CAP2: variants seen among roughly 807,000 people sequenced by gnomAD.
CAP2 encodes the protein cyclase associated actin cytoskeleton regulatory protein 2.
Under a neutral mutation model 57.7 loss-of-function variants are expected in CAP2, and 24 were observed. That is an observed-to-expected ratio of 0.42 (90% confidence interval 0.30 to 0.58). The LOEUF is 0.58. CAP2 is among the 20% of genes least tolerant of loss of function. The pLI, the probability that CAP2 is intolerant of heterozygous loss-of-function variation, is 0.22. For synonymous variants in CAP2, 194 were observed against 207.2 expected, an observed-to-expected ratio of 0.94 and a Z score of 0.55; for missense variants, 501 against 590.3, an observed-to-expected ratio of 0.85 and a Z score of 1.57.
At chr6:17,427,843 A>C (rs550039780) in intron 3 of CAP2, among the ~76,000 whole-genome samples, 1 of 152,364 alleles carries the variant, frequency 6.6e-6, no homozygotes, top group Admixed American at 6.5e-5. Flanking sequence ...TACATGCTGT[A>C]GTATGGATGA....
At chr6:17,406,355 A>G (rs987848832) in intron 1 of CAP2, among the ~76,000 whole-genome samples, 2 of 149,648 alleles carry the variant, frequency 1.3e-5, no homozygotes, top group Admixed American at 6.6e-5. Context: ...GTGGACCACA[A>G]GGTCCCCTGT....
In CAP2 at chr6:17,541,124, G is replaced by T. The variant is rs897736758; in HGVS notation, c.978G>T (p.Glu326Asp). ...CTCAAAAACATGCCCCAGTGTTGGAGTTGGAAGGAAAGAAATGGAGAGTGG... is the reference window on the plus strand; with the variant it reads ...CTCAAAAACATGCCCCAGTGTTGGATTTGGAAGGAAAGAAATGGAGAGTGG... ...YPSQKHAPVL[E>D]LEGKKWRVEY... The change falls in exon 9 of 13, where the codon GAG becomes GAT. Residue 326 changes from glutamate to aspartate, a missense_variant. By Grantham distance (45) the Glu-to-Asp change is conservative (BLOSUM62 2). Transcript: ENST00000229922. 1 of 1,613,522 alleles carries T rather than the reference G, an allele frequency of 6.2e-7. No individual in the cohort carries two copies. The highest frequency in any genetic ancestry group is 1.1e-5 in the South Asian group (1 of 90,942).
chr6:17,481,773 G>A (rs957043309), intron 4 of CAP2, among the ~76,000 whole-genome samples: 1 of 152,166 alleles, frequency 6.6e-6, no homozygotes, highest in Non-Finnish European at 1.5e-5. Flanking sequence ...CCCTGGGCAA[G>A]TACCTTCTCT....
At chr6:17,505,283 G>T (rs187139712) in intron 4 of CAP2, among the ~76,000 whole-genome samples, 8 of 151,710 alleles carry the variant, frequency 5.3e-5, no homozygotes, top group East Asian at 1.9e-4. Context: ...TCAGAGGAGG[G>T]TATATAAAGG....
intron 11 of CAP2, among the ~76,000 whole-genome samples, chr6:17,546,740 A>T (rs547938472): frequency 2.0e-5 from 3 of 152,302 alleles, no homozygotes; most frequent in African/African-American, 7.2e-5. Flanking sequence ...AATGGGCAAA[A>T]ACTGGAAGCA....
chr6:17,507,490 G>C, intron 5 of CAP2, 151 bp from the exon 6 acceptor site: 1 of 793,118 alleles, frequency 1.3e-6, no homozygotes, highest in Non-Finnish European at 2.1e-6. Flanking sequence ...AGATACTGTA[G>C]AAAGTGTTTT....
intron 1 of CAP2, 31 bp from the exon 2 acceptor site, chr6:17,421,524 G>A (rs1581503415): frequency 6.8e-6 from 11 of 1,613,502 alleles, no homozygotes; most frequent in Middle Eastern, 1.7e-4. Context: ...TGATGCTCAC[G>A]CAGCCTCCAT....
chr6:17,556,402 G>T lies in CAP2; in HGVS notation c.1394G>T (p.Gly465Val). The change falls in exon 13 of 13, where the codon GGA becomes GTA. Residue 465 changes from glycine (G) to valine (V), a missense_variant. Coordinates refer to ENST00000229922, the MANE Select transcript of CAP2 (RefSeq NM_006366.3). ...IPEQFKTAWD[G>V]SKLITEPAEI... is the part of the protein sequence containing the mutation. ...GAACAGTTCAAGACAGCATGGGATG[G>T]ATCCAAGTTAATCACTGAACCTGCA... 6.2e-7 allele frequency: 1 copy of T among 1,613,964 alleles called. No individual in the cohort carries two copies. The highest frequency in any genetic ancestry group is 1.1e-5 in the South Asian group (1 of 91,072).
At chr6:17,406,653 A>G (rs1210808448) in intron 1 of CAP2, among the ~76,000 whole-genome samples, 1 of 151,974 alleles carries the variant, frequency 6.6e-6, no homozygotes, top group Non-Finnish European at 1.5e-5. Flanking sequence ...CGGCCTCCCA[A>G]AGTGCTGGGA....
rs554986757 is a variant in CAP2 at position 17,435,743 on chromosome 6, A to C, written c.222+9053A>C. Among the ~76,000 whole-genome samples the C allele has an allele frequency of 3.0e-3, 446 of 148,888 alleles. 3 individuals are homozygous for C. The highest frequency in any genetic ancestry group is 0.01 in the African/African-American group (399 of 39,718). On this transcript the variant is annotated intron_variant, in intron 3 of 12. Coordinates refer to ENST00000229922, the MANE Select transcript of CAP2 (RefSeq NM_006366.3). ...AAAAAAAAAAAAAAACAAAAAAAAA[A>C]CAATATATTCTAGAGATCTTTTCTG... is the stretch of plus-strand genomic sequence containing the variant.
chr6:17,521,086 T>G (rs1762381368), intron 7 of CAP2, among the ~76,000 whole-genome samples: 2 of 152,216 alleles, frequency 1.3e-5, no homozygotes, highest in South Asian at 4.1e-4. Flanking sequence ...TATTCTCTTA[T>G]GGAAGGGTTC....
At chr6:17,530,266 A>G (rs529228151) in intron 7 of CAP2, among the ~76,000 whole-genome samples, 21 of 152,024 alleles carry the variant, frequency 1.4e-4, no homozygotes, top group Non-Finnish European at 2.9e-4. Context: ...CTTTTAGTAG[A>G]GACAGGATCT....
chr6:17,448,397 G>C (rs1160643053), intron 3 of CAP2, among the ~76,000 whole-genome samples: 1 of 152,238 alleles, frequency 6.6e-6, no homozygotes, highest in Non-Finnish European at 1.5e-5. Flanking sequence ...CAAGTGGTTT[G>C]TGGCTATACA....
intron 3 of CAP2, among the ~76,000 whole-genome samples, chr6:17,435,717 TA>T (rs1187314233): frequency 0.038 from 2,968 of 77,782 alleles, 45 homozygotes; most frequent in African/African-American, 0.093. Context: ...AGTTTACGGA[TA>T]AAAAAAAAAA....
At chr6:17,486,621 A>G (rs1325200251) in intron 4 of CAP2, among the ~76,000 whole-genome samples, 1 of 152,204 alleles carries the variant, frequency 6.6e-6, no homozygotes, top group African/African-American at 2.4e-5. Context: ...ATAAATAAAT[A>G]AGTAAATAAC....
Position 17,513,291 on chromosome 6 carries a change from G to A in CAP2, c.531-558G>A, listed in dbSNP as rs1318546450. ...AAATGTCCCTTTAGAAGTAAGGGGTGTTACCTGTTTGTAAGAGATCAATTT... is the reference window on the plus strand; with the variant it reads ...AAATGTCCCTTTAGAAGTAAGGGGTATTACCTGTTTGTAAGAGATCAATTT... On this transcript the variant is annotated intron_variant, in intron 6 of 12. Transcript: ENST00000229922. This position sits in a 1 kb window ranked among gnomAD's most constrained non-coding sequence, Gnocchi z 4.3. Among the ~76,000 whole-genome samples the A allele has an allele frequency of 6.6e-6, 1 of 152,082 alleles. No homozygotes were observed. The highest frequency in any genetic ancestry group is 1.5e-5 in the Non-Finnish European group (1 of 68,014).
At chr6:17,406,256 A>T (rs1400657145) in intron 1 of CAP2, among the ~76,000 whole-genome samples, 1 of 152,064 alleles carries the variant, frequency 6.6e-6, no homozygotes, top group East Asian at 1.9e-4. Context: ...TAAGGTGCTT[A>T]TGCTGCTGTA....
chr6:17,470,284 C>T (rs1055120742), intron 4 of CAP2, among the ~76,000 whole-genome samples: 6 of 152,058 alleles, frequency 3.9e-5, no homozygotes, highest in East Asian at 3.9e-4. Flanking sequence ...TTTCTAAGCC[C>T]GTGTTTTCTT....
chr6:17,535,276 T>A (rs1056301524), intron 7 of CAP2, among the ~76,000 whole-genome samples: 5 of 116,308 alleles, frequency 4.3e-5, no homozygotes, highest in African/African-American at 2.0e-4. Flanking sequence ...GCTAATGACT[T>A]TTTTTTTTTT....
Sources: gnomAD v4.1 joint callset for allele counts (sites outside exome capture counted in the v4.1 genomes callset) on GRCh38, gnomAD v4.1.1 for gene constraint, Gnocchi (gnomAD v3.1) non-coding constraint, MANE v1.5 for transcripts, NCBI Gene and HGNC (gene_info 2026-07-23, HGNC 2026-07-21) for gene names.